The following RARA variants were observed in gnomAD, a reference collection of about 807,000 sequenced individuals.
RARA encodes PML-DDX5-RARA fusion.
Under a neutral mutation model 42.8 loss-of-function variants are expected in RARA, and 5 were observed. The ratio of observed to expected loss-of-function variants is 0.12; its 90% CI spans 0.06 to 0.25. The LOEUF is 0.25. Among genes scored for constraint, RARA ranks in the 10% least tolerant of loss-of-function variants. The pLI is 1.00. For synonymous variants in RARA, 256 were observed against 259.5 expected (o/e 0.99, Z 0.13); for missense variants, 402 against 628.7 (o/e 0.64, Z 3.86).
At chr17:40,315,128 A>ATGTATATG (rs2033171920) in intron 1 of RARA, among the ~76,000 whole-genome samples, 3 of 78,172 alleles carry the variant, frequency 3.8e-5, no homozygotes, top group African/African-American at 1.9e-4. Context: ...ATATGCTTAT[A>ATGTATATG]TGTGTATATA....
At chr17:40,334,133 T>G (rs1216299408) in intron 2 of RARA, among the ~76,000 whole-genome samples, 1 of 152,260 alleles carries the variant, frequency 6.6e-6, no homozygotes, top group Non-Finnish European at 1.5e-5. Context: ...GAGCAAATGC[T>G]TTGCCTTCCC....
At position 40,356,320 on chromosome 17, in the gene RARA, A is replaced by C. The variant is rs1303294811; in HGVS notation, c.*94A>C. 5.2e-6 allele frequency: 7 copies of C among 1,338,376 alleles called. No individual in the cohort carries two copies. Among genetic ancestry groups the C allele is most frequent in the East Asian group, 2.5e-5 (1 of 40,042 alleles). The allele number at this position is 1,338,376 out of a possible 1,614,324, so 82.9% of individuals were successfully genotyped here. ...GTGACCCCGCACCAGCCCTGCCCCCACCTGCCCTCCCGGGCAGTACTGGGG... is the reference window on the plus strand; with the variant it reads ...GTGACCCCGCACCAGCCCTGCCCCCCCCTGCCCTCCCGGGCAGTACTGGGG... On this transcript the variant is annotated 3_prime_UTR_variant, in exon 9 of 9. Coordinates refer to ENST00000254066, the MANE Select transcript of RARA (RefSeq NM_000964.4).
chr17:40,344,146 C>T (rs1374593939), intron 2 of RARA, among the ~76,000 whole-genome samples: 1 of 151,834 alleles, frequency 6.6e-6, no homozygotes, highest in Admixed American at 6.6e-5. Context: ...GGGCAAAGGA[C>T]TTACCCCACC....
At chr17:40,342,865 A>G (rs1325485009) in intron 2 of RARA, 41 of 1,610,526 alleles carry the variant, frequency 2.5e-5, no homozygotes, top group Non-Finnish European at 3.3e-5. Context: ...GGCTCAAACC[A>G]CTGTACGTAC....
chr17:40,315,171 T>TATATATAC (rs1247793097), intron 1 of RARA, among the ~76,000 whole-genome samples: 21 of 76,552 alleles, frequency 2.7e-4, no homozygotes, highest in East Asian at 7.8e-4. Flanking sequence ...TATATATATA[T>TATATATAC]ACACACACAC....
chr17:40,314,190 T>TGGGGGGGGGGGGGGGGGGGGGGG (rs2033148253), intron 1 of RARA, among the ~76,000 whole-genome samples: 1 of 17,548 alleles, frequency 5.7e-5, no homozygotes. Context: ...AGGGGTGGGG[T>TGGGGGGGGGGGGGGGGGGGGGGG]GGGGGTGGGG....
At chr17:40,333,347 C>G (rs1364590656) in intron 2 of RARA, among the ~76,000 whole-genome samples, 1 of 151,286 alleles carries the variant, frequency 6.6e-6, no homozygotes, top group East Asian at 2.0e-4. Flanking sequence ...CGCGCCTGGC[C>G]ATTTTTATGT....
At chr17:40,342,123 G>A in intron 2 of RARA, 1 of 1,048,704 alleles carries the variant, frequency 9.5e-7, no homozygotes. Context: ...GGTGGTGCCC[G>A]GAGGGGAGGG....
At chr17:40,338,929 A>G (rs2033940429) in intron 2 of RARA, among the ~76,000 whole-genome samples, 1 of 152,068 alleles carries the variant, frequency 6.6e-6, no homozygotes, top group Admixed American at 6.5e-5. Context: ...GAGGCATGAG[A>G]ATTGCTTGAA....
rs1350865268 is a variant in RARA, at chr17:40,351,897, C to T, written c.470-13C>T. 3 of 1,608,334 alleles carry T rather than the reference C, an allele frequency of 1.9e-6. No individual in the cohort carries two copies. Among genetic ancestry groups the T allele is most frequent in the Non-Finnish European group, 8.5e-7 (1 of 1,178,542 alleles). On this transcript the variant is annotated splice_polypyrimidine_tract_variant and intron_variant, in intron 4 of 8. Transcript: ENST00000254066. The surrounding 1 kb of genome is among the most constrained non-coding windows in gnomAD (Gnocchi z 4.1). ...CCTGCAGCTGCCCTCTTAACCCCCT[C>T]TGCCCTCCACAGCTGTGAGAAACGA...
Position 40,342,725 on chromosome 17 carries a change from G to T in RARA, c.179-5591G>T, listed in dbSNP as rs1446308633. On this transcript the variant is annotated intron_variant, in intron 2 of 8. Transcript: ENST00000254066. ...GAAAGATGTACGAGAGTGTAGAAGT[G>T]GGGGGTCCCACCCCTAATCCCTTCC... is the stretch of plus-strand genomic sequence containing the variant. 1.6e-5 allele frequency: 25 copies of T among 1,611,540 alleles called. No individual in the cohort carries two copies. In the East Asian group the frequency reaches 5.6e-4, roughly 36 times the overall value.
intron 2 of RARA, 194 bp from the exon 3 acceptor site, chr17:40,348,122 G>A (rs2034327280): frequency 1.9e-6 from 1 of 531,672 alleles, no homozygotes; most frequent in East Asian, 3.4e-5. Context: ...AGGAGTGATG[G>A]GGTGCTGGAG....
At position 40,354,763 on chromosome 17, in the gene RARA, C is replaced by T. The variant is rs184122139; in HGVS notation, c.1012+257C>T. Among the ~76,000 whole-genome samples, 1 of 152,160 alleles carries T rather than the reference C, an allele frequency of 6.6e-6. No individual in the cohort carries two copies. Among genetic ancestry groups the T allele is most frequent in the East Asian group, 1.9e-4 (1 of 5,188 alleles). ...GGTCACCTCCTGGCCGATGCATGAC[C>T]CTGAGCAGGTTGCTGAACTTCTCTG... On this transcript the variant is annotated intron_variant, in intron 7 of 8. Coordinates refer to ENST00000254066, the MANE Select transcript of RARA (RefSeq NM_000964.4). The surrounding 1 kb of genome is among the most constrained non-coding windows in gnomAD (Gnocchi z 4.5).
chr17:40,322,556 G>A (rs1034365001), intron 1 of RARA, among the ~76,000 whole-genome samples: 9 of 152,010 alleles, frequency 5.9e-5, no homozygotes, highest in Non-Finnish European at 1.2e-4. Flanking sequence ...GCTTTATCCC[G>A]GCCCTCCCCC....
At chr17:40,332,969 G>A (rs1170885632) in intron 2 of RARA, among the ~76,000 whole-genome samples, 3 of 152,210 alleles carry the variant, frequency 2.0e-5, no homozygotes, top group African/African-American at 4.8e-5. Context: ...CATTTAAAGG[G>A]ACTGTGATTT....
At chr17:40,346,926 A>G (rs2034285885) in intron 2 of RARA, among the ~76,000 whole-genome samples, 3 of 152,226 alleles carry the variant, frequency 2.0e-5, no homozygotes. Context: ...ACTAAGAGCC[A>G]GGAAAGCCCT....
In RARA at chr17:40,355,181, T is replaced by G; in HGVS notation, c.1013-82T>G. On this transcript the variant is annotated intron_variant, in intron 7 of 8. Transcript: ENST00000254066. This position sits in a 1 kb window ranked among gnomAD's most constrained non-coding sequence, Gnocchi z 4.1. ...CTGCGAGCTGCCCTCCTCCATGGCC[T>G]GGGCAGGCACGCCCCCCGGTGGCCG... 6.8e-7 allele frequency: 1 copy of G among 1,476,014 alleles called. No homozygotes were observed. Among genetic ancestry groups the G allele is most frequent in the South Asian group, 1.3e-5 (1 of 75,420 alleles). 91.4% of individuals were successfully genotyped at this position (1,476,014 alleles called of 1,614,324 possible).
chr17:40,337,931 C>T (rs563256297), intron 2 of RARA, among the ~76,000 whole-genome samples: 1 of 152,354 alleles, frequency 6.6e-6, no homozygotes, highest in South Asian at 2.1e-4. Context: ...AGAGGGACAG[C>T]CCAGGTGGAG....
chr17:40,342,051 G>A, intron 2 of RARA: 4 of 1,059,014 alleles, frequency 3.8e-6, no homozygotes, highest in Non-Finnish European at 4.6e-6. Flanking sequence ...GCTGCAGCCG[G>A]ACGCGCCGGG....
Sources: gnomAD v4.1 joint callset for allele counts (sites outside exome capture counted in the v4.1 genomes callset) on GRCh38, gnomAD v4.1.1 for gene constraint, Gnocchi (gnomAD v3.1) non-coding constraint, MANE v1.5 for transcripts, NCBI Gene and HGNC (gene_info 2026-07-23, HGNC 2026-07-21) for gene names.